The following ERG variants were observed in gnomAD, a reference collection of about 807,000 sequenced individuals.
The protein encoded by ERG is ETS transcription factor ERG.
ERG carries 9 observed loss-of-function variants against 55.3 expected under a neutral mutation model. The ratio of observed to expected loss-of-function variants is 0.16; its 90% CI spans 0.10 to 0.28. The LOEUF (loss-of-function observed/expected upper bound fraction) is 0.28, where lower values mean the gene tolerates loss of function less well. Ranked by LOEUF, ERG falls within the 10% of genes least tolerant of loss-of-function variation. The pLI, the probability that ERG is intolerant of heterozygous loss-of-function variation, is 1.00. For synonymous variants in ERG, 223 were observed against 237.3 expected, an observed-to-expected ratio of 0.94 and a Z score of 0.55; for missense variants, 434 against 631.6, an observed-to-expected ratio of 0.69 and a Z score of 3.35.
intron 3 of ERG, among the ~76,000 whole-genome samples, chr21:38,419,408 G>C (rs866540988): frequency 6.6e-6 from 1 of 152,280 alleles, no homozygotes; most frequent in Middle Eastern, 3.4e-3. Context: ...TTTTTATCCT[G>C]TAGGCACTGA....
rs368280741 is a variant in ERG, at chr21:38,615,665, C to A, written c.-149-30720G>T. On this transcript the variant is annotated intron_variant, in intron 1 of 10. Coordinates refer to the ERG transcript ENST00000398910. ...TGTAGAAGCATAGAATAAATGATAG[C>A]TGACAATTATTAGAGTGATTATTAT... Among the ~76,000 whole-genome samples the A allele has an allele frequency of 1.3e-4, 20 of 150,172 alleles. No individual in the cohort carries two copies. The East Asian group carries it at 2.7e-3, about 20-fold the overall frequency.
chr21:38,496,876 C>T (rs367852592), intron 1 of ERG, among the ~76,000 whole-genome samples: 8 of 152,046 alleles, frequency 5.3e-5, no homozygotes, highest in African/African-American at 1.7e-4. Flanking sequence ...CACATAAGAT[C>T]GTACCCAAGC....
chr21:38,542,694 G>A (rs985573884), intron 2 of ERG, among the ~76,000 whole-genome samples: 2 of 152,122 alleles, frequency 1.3e-5, no homozygotes, highest in Non-Finnish European at 2.9e-5. Context: ...TCTCTTCCGT[G>A]ATAATACGAC....
chr21:38,493,000 G>A (rs2059349160), intron 1 of ERG, among the ~76,000 whole-genome samples: 1 of 152,172 alleles, frequency 6.6e-6, no homozygotes, highest in South Asian at 2.1e-4. Context: ...TATGGGTGTA[G>A]TGTGGAACTG....
At chr21:38,582,601 C>T (rs2060037103) in intron 1 of ERG, among the ~76,000 whole-genome samples, 1 of 152,188 alleles carries the variant, frequency 6.6e-6, no homozygotes, top group African/African-American at 2.4e-5. Flanking sequence ...CACCATCAGG[C>T]TTTTGTGAGG....
intron 1 of ERG, among the ~76,000 whole-genome samples, chr21:38,642,756 T>C (rs747870895): frequency 6.6e-6 from 1 of 152,204 alleles, no homozygotes; most frequent in Non-Finnish European, 1.5e-5. Flanking sequence ...AGGTAAACCA[T>C]TCAGCATCAT....
chr21:38,527,468 G>A (rs1015685036), intron 2 of ERG, among the ~76,000 whole-genome samples: 3 of 152,188 alleles, frequency 2.0e-5, no homozygotes, highest in South Asian at 4.1e-4. Flanking sequence ...AGGAATGACG[G>A]GTTAAATAAT....
intron 3 of ERG, among the ~76,000 whole-genome samples, chr21:38,409,356 G>A (rs973871580): frequency 6.6e-6 from 1 of 152,110 alleles, no homozygotes; most frequent in Non-Finnish European, 1.5e-5. Flanking sequence ...GGTGGCGCAT[G>A]CCTGTAATGC....
At chr21:38,380,012 AAAG>A, downstream of ERG, 2 of 1,010,526 alleles carry the variant, frequency 2.0e-6, no homozygotes, top group Non-Finnish European at 2.4e-6. Context: ...TAAAAGATAA[AAAG>A]AAGGCACAGA....
At chr21:38,376,923 C>T (rs763049449), downstream of ERG, among the ~76,000 whole-genome samples, 1 of 152,228 alleles carries the variant, frequency 6.6e-6, no homozygotes, top group Non-Finnish European at 1.5e-5. Context: ...GGGAGGGCTG[C>T]GCTTTGCTTC....
At chr21:38,479,746 T>A (rs1196808883) in intron 1 of ERG, among the ~76,000 whole-genome samples, 1 of 149,222 alleles carries the variant, frequency 6.7e-6, no homozygotes, top group Non-Finnish European at 1.5e-5. Flanking sequence ...TTTTCCATCT[T>A]AACTAAGCAC....
intron 1 of ERG, among the ~76,000 whole-genome samples, chr21:38,458,932 C>T (rs944334773): frequency 6.6e-6 from 1 of 152,172 alleles, no homozygotes; most frequent in Non-Finnish European, 1.5e-5. Context: ...TTGTTACCTA[C>T]TCAAGAGCAG....
chr21:38,491,776 G>T (rs548800363), intron 1 of ERG, among the ~76,000 whole-genome samples: 1 of 152,296 alleles, frequency 6.6e-6, no homozygotes, highest in East Asian at 1.9e-4. Flanking sequence ...GTGCAAGGAA[G>T]TTGATACTTG....
intron 1 of ERG, among the ~76,000 whole-genome samples, chr21:38,648,637 C>T (rs1385679874): frequency 6.6e-6 from 1 of 152,232 alleles, no homozygotes; most frequent in Non-Finnish European, 1.5e-5. Flanking sequence ...CCACCTCCTC[C>T]GAGGTTCCTT....
intron 2 of ERG, among the ~76,000 whole-genome samples, chr21:38,544,845 C>T (rs1458788286): frequency 2.0e-5 from 3 of 152,066 alleles, no homozygotes; most frequent in Non-Finnish European, 4.4e-5. Context: ...CCTTCTTTGA[C>T]TCATCCTATT....
chr21:38,625,991 C>T (rs958677939), intron 1 of ERG, among the ~76,000 whole-genome samples: 1 of 138,638 alleles, frequency 7.2e-6, no homozygotes, highest in Non-Finnish European at 1.5e-5. Flanking sequence ...GGCGTGATCT[C>T]GGCTCACTAC....
intron 1 of ERG, among the ~76,000 whole-genome samples, chr21:38,473,295 C>A (rs2059157278): frequency 6.6e-6 from 1 of 152,052 alleles, no homozygotes; most frequent in Non-Finnish European, 1.5e-5. Context: ...CCTAGGCAGG[C>A]GAAGCTTCCG....
At chr21:38,513,135 A>T (rs2059526566) in intron 2 of ERG, among the ~76,000 whole-genome samples, 2 of 145,380 alleles carry the variant, frequency 1.4e-5, no homozygotes, top group Admixed American at 6.8e-5. Context: ...GTCTCAAAAA[A>T]AAAAATAATA....
intron 1 of ERG, chr21:38,451,096 C>T: frequency 2.2e-6 from 1 of 456,524 alleles, no homozygotes; most frequent in South Asian, 1.6e-5. Context: ...CCTGCTCTTG[C>T]CATGAGAGAT....
Sources: gnomAD v4.1 joint callset for allele counts (sites outside exome capture counted in the v4.1 genomes callset) on GRCh38, gnomAD v4.1.1 for gene constraint, MANE v1.5 for transcripts, NCBI Gene and HGNC (gene_info 2026-07-23, HGNC 2026-07-21) for gene names.